The following CDK19 variants were observed in gnomAD, a reference collection of about 807,000 sequenced individuals.
CDK19 encodes cyclin dependent kinase 19, also known as cyclin-dependent kinase 19.
CDK19 carries 20 observed loss-of-function variants against 68.3 expected under a neutral mutation model. The ratio of observed to expected loss-of-function variants is 0.29; its 90% CI spans 0.21 to 0.43. The LOEUF (loss-of-function observed/expected upper bound fraction) is 0.43. Among genes scored for constraint, CDK19 ranks in the 20% least tolerant of loss-of-function variants. The pLI is 1.00. For missense variants in CDK19, 339 were observed against 623.5 expected, an observed-to-expected ratio of 0.54 and a Z score of 4.86; for synonymous variants, 221 against 222.8, an observed-to-expected ratio of 0.99 and a Z score of 0.07.
chr6:110,774,927 C>A (rs117959289), intron 1 of CDK19, among the ~76,000 whole-genome samples: 4,121 of 149,250 alleles, frequency 0.028, 81 homozygotes, highest in South Asian at 0.086. Context: ...CCAGCCTGGG[C>A]GACAGAGCAA....
At chr6:110,640,951 C>T (rs1425203486) in intron 4 of CDK19, among the ~76,000 whole-genome samples, 3 of 151,846 alleles carry the variant, frequency 2.0e-5, no homozygotes, top group Non-Finnish European at 2.9e-5. Flanking sequence ...AGTGAGACCC[C>T]GTCTCAAAAA....
At chr6:110,788,978 C>A (rs959797904) in intron 1 of CDK19, among the ~76,000 whole-genome samples, 1 of 152,128 alleles carries the variant, frequency 6.6e-6, no homozygotes, top group Non-Finnish European at 1.5e-5. Context: ...GAAAAATACA[C>A]AAGAACCACA....
chr6:110,621,499 G>C lies in CDK19; in HGVS notation c.1111-129C>G, dbSNP rs1778714559. On this transcript the variant is annotated intron_variant, in intron 11 of 12. Transcript: ENST00000368911. The surrounding 1 kb of genome is among the most constrained non-coding windows in gnomAD (Gnocchi z 5.4). ...ATCTATGTGGGACACTAGAGTGATGGGGAGGACTGGAGAATGGAGCAGCCA... is the reference window on the plus strand; with the variant it reads ...ATCTATGTGGGACACTAGAGTGATGCGGAGGACTGGAGAATGGAGCAGCCA... 1.1e-6 allele frequency: 1 copy of C among 894,752 alleles called. No homozygotes were observed. Among genetic ancestry groups the C allele is most frequent in the South Asian group, 1.8e-5 (1 of 56,064 alleles). 55.4% of individuals were successfully genotyped at this position (894,752 alleles called of 1,614,324 possible).
intron 2 of CDK19, among the ~76,000 whole-genome samples, chr6:110,688,272 G>A (rs1772663958): frequency 6.6e-6 from 1 of 151,826 alleles, no homozygotes; most frequent in Non-Finnish European, 1.5e-5. Context: ...CTGGGAGCCG[G>A]AGTCGTGCCA....
At chr6:110,660,300 G>A (rs1781539464) in intron 4 of CDK19, among the ~76,000 whole-genome samples, 1 of 152,160 alleles carries the variant, frequency 6.6e-6, no homozygotes, top group Non-Finnish European at 1.5e-5. Flanking sequence ...AGGAGCCGGG[G>A]CGAGTACTTT....
intron 1 of CDK19, among the ~76,000 whole-genome samples, chr6:110,785,544 T>C (rs1418535013): frequency 1.3e-5 from 2 of 152,194 alleles, no homozygotes; most frequent in Non-Finnish European, 2.9e-5. Context: ...TGGATCATCG[T>C]AAAGTTCTTC....
chr6:110,714,036 G>C (rs1775174228), intron 2 of CDK19, among the ~76,000 whole-genome samples: 1 of 152,096 alleles, frequency 6.6e-6, no homozygotes, highest in African/African-American at 2.4e-5. Flanking sequence ...TATAATTCCA[G>C]AACATTTTTA....
intron 2 of CDK19, among the ~76,000 whole-genome samples, chr6:110,719,256 G>T (rs1017220730): frequency 6.6e-6 from 1 of 152,204 alleles, no homozygotes; most frequent in Non-Finnish European, 1.5e-5. Flanking sequence ...GGCTGAGGTA[G>T]GAAGATCACT....
chr6:110,646,610 G>A (rs1780602288), intron 4 of CDK19: 11 of 603,392 alleles, frequency 1.8e-5, no homozygotes, highest in Non-Finnish European at 2.3e-5. Flanking sequence ...GGGGCGGGGA[G>A]GGGGGATTCG....
intron 1 of CDK19, among the ~76,000 whole-genome samples, chr6:110,758,477 C>T (rs1778979458): frequency 6.6e-6 from 1 of 152,166 alleles, no homozygotes; most frequent in African/African-American, 2.4e-5. Flanking sequence ...CTTACCCCAT[C>T]CCCAAATGAG....
At chr6:110,670,900 T>C (rs1207985519) in intron 2 of CDK19, 1 of 393,950 alleles carries the variant, frequency 2.5e-6, no homozygotes, top group Non-Finnish European at 4.9e-6. Flanking sequence ...ATTACATTTT[T>C]GTACATGCAT....
intron 1 of CDK19, among the ~76,000 whole-genome samples, chr6:110,747,848 A>C (rs1228937464): frequency 6.6e-6 from 1 of 152,322 alleles, no homozygotes; most frequent in South Asian, 2.1e-4. Flanking sequence ...AGCCATTAAG[A>C]AGCATAAACT....
In CDK19 at chr6:110,638,686, T is replaced by C. The variant is rs1159665679; in HGVS notation, c.477A>G (p.Val159=). 3 of 1,543,946 alleles carry C rather than the reference T, an allele frequency of 1.9e-6. No individual in the cohort carries two copies. Among genetic ancestry groups the C allele is most frequent in the Admixed American group, 1.7e-5 (1 of 59,342 alleles). The change falls in exon 5 of 13, where the codon GTA becomes GTG. Residue 159 remains valine (V), a synonymous_variant. Coordinates refer to ENST00000368911, the MANE Select transcript of CDK19 (RefSeq NM_015076.5). ...HRDLKPANIL[V]MGEGPERGRV... is the part of the protein sequence containing the mutation. ...TCCCCCTCTCAGGACCTTCTCCCATTACTAGGATATTTGCTGGTTTCTAGA... is the reference window on the plus strand; with the variant it reads ...TCCCCCTCTCAGGACCTTCTCCCATCACTAGGATATTTGCTGGTTTCTAGA...
intron 1 of CDK19, among the ~76,000 whole-genome samples, chr6:110,765,479 C>T (rs1562270058): frequency 1.3e-5 from 2 of 151,952 alleles, no homozygotes; most frequent in South Asian, 4.1e-4. Flanking sequence ...GAGATTGAGA[C>T]CATCCTGCCC....
chr6:110,643,164 C>G, intron 4 of CDK19: 1 of 1,282,530 alleles, frequency 7.8e-7, no homozygotes, highest in Non-Finnish European at 1.0e-6. Flanking sequence ...GAAGCCAAAG[C>G]AAACCCCTTC....
At chr6:110,628,445 G>A (rs1190612165) in intron 6 of CDK19, among the ~76,000 whole-genome samples, 1 of 152,168 alleles carries the variant, frequency 6.6e-6, no homozygotes, top group Non-Finnish European at 1.5e-5. Context: ...TTTAAATTGT[G>A]TACCATTCTG....
intron 1 of CDK19, among the ~76,000 whole-genome samples, chr6:110,771,527 G>C (rs575975458): frequency 1.1e-4 from 16 of 152,314 alleles, no homozygotes; most frequent in African/African-American, 3.8e-4. Flanking sequence ...CTCCAGGCCT[G>C]TGATGGGAGA....
At chr6:110,651,301 T>A (rs1225268781) in intron 4 of CDK19, among the ~76,000 whole-genome samples, 7 of 152,200 alleles carry the variant, frequency 4.6e-5, no homozygotes, top group African/African-American at 1.7e-4. Context: ...TCTGTCTAAC[T>A]ATCTTCCTCC....
intron 8 of CDK19, among the ~76,000 whole-genome samples, chr6:110,623,881 A>G (rs1462340880): frequency 9.5e-5 from 5 of 52,818 alleles, no homozygotes; most frequent in East Asian, 1.5e-3. Flanking sequence ...ATATATACGT[A>G]TATATATATG....
Sources: gnomAD v4.1 joint callset for allele counts (sites outside exome capture counted in the v4.1 genomes callset) on GRCh38, gnomAD v4.1.1 for gene constraint, Gnocchi (gnomAD v3.1) non-coding constraint, MANE v1.5 for transcripts, NCBI Gene and HGNC (gene_info 2026-07-23, HGNC 2026-07-21) for gene names.